ITPK1: variants seen among roughly 807,000 people sequenced by gnomAD.
The protein encoded by ITPK1 is inositol-tetrakisphosphate 1-kinase.
In ITPK1, 21 loss-of-function variants were observed where a neutral mutation model predicts 45.3. That is an observed-to-expected ratio of 0.46 (90% CI 0.33 to 0.67). The LOEUF (loss-of-function observed/expected upper bound fraction) is 0.67. Ranked by LOEUF, ITPK1 falls within the 30% of genes least tolerant of loss-of-function variation. The probability of loss-of-function intolerance (pLI) is 0.02; values close to 1 mark genes in which losing one functional copy is unlikely to be tolerated. For missense variants in ITPK1, 474 were observed against 573.5 expected (o/e 0.83, Z 1.77); for synonymous variants, 258 against 253.6 (o/e 1.02, Z -0.16).
intron 8 of ITPK1, among the ~76,000 whole-genome samples, chr14:92,955,949 G>A (rs1460815753): frequency 3.3e-5 from 5 of 152,192 alleles, no homozygotes; most frequent in Admixed American, 2.6e-4. Flanking sequence ...GAACATACAC[G>A]TAGAAACCAG....
chr14:93,112,290 G>A (rs961664167), intron 2 of ITPK1, among the ~76,000 whole-genome samples: 2 of 152,146 alleles, frequency 1.3e-5, no homozygotes, highest in Non-Finnish European at 2.9e-5. Context: ...TTCCCCATCT[G>A]TAAGACAAAG....
In ITPK1 at chr14:92,941,616, G is replaced by A. The variant is rs1450870165; in HGVS notation, c.1190C>T (p.Pro397Leu). The A allele has an allele frequency of 3.9e-6, 6 of 1,538,212 alleles. No individual in the cohort carries two copies. Among genetic ancestry groups the A allele is most frequent in the Non-Finnish European group, 5.2e-6 (6 of 1,144,716 alleles). ...QRLGCNAGVSPSFQQHCVASL... is the reference protein window; with the variant it reads ...QRLGCNAGVSLSFQQHCVASL... Reference sequence around the variant, plus strand: ...GGCCACACAATGCTGCTGGAAGCTGGGCGACACGCCGGCGTTGCAGCCGAG... The same window carrying A: ...GGCCACACAATGCTGCTGGAAGCTGAGCGACACGCCGGCGTTGCAGCCGAG... The change falls in exon 11 of 11, where the codon CCC becomes CTC. Residue 397 changes from proline (P) to leucine (L), a missense_variant. Around this residue, in one of 2 missense-constraint regions of ITPK1, gnomAD observed 107 missense variants for 92.9 expected, o/e 1.15. Coordinates refer to ENST00000267615, the MANE Select transcript of ITPK1 (RefSeq NM_014216.6).
intron 4 of ITPK1, among the ~76,000 whole-genome samples, chr14:93,004,350 C>T (rs537928719): frequency 6.6e-6 from 1 of 152,380 alleles, no homozygotes; most frequent in African/African-American, 2.4e-5. Flanking sequence ...CTCACTCCTT[C>T]TTTCCTAACT....
At position 93,063,393 on chromosome 14, in the gene ITPK1, C is replaced by T. The variant is rs927385432; in HGVS notation, c.120+13202G>A. ...GGGGTGTGAGCTTCACAAGACCCCT[C>T]GAGTCATCTCAGGAGCCAGAAAACC... On this transcript the variant is annotated intron_variant, in intron 3 of 10. Coordinates refer to ENST00000267615, the MANE Select transcript of ITPK1 (RefSeq NM_014216.6). The surrounding 1 kb of genome is among the most constrained non-coding windows in gnomAD (Gnocchi z 4.3). Among the ~76,000 whole-genome samples the T allele has an allele frequency of 2.0e-5, 3 of 152,156 alleles. No homozygotes were observed. Among genetic ancestry groups the T allele is most frequent in the African/African-American group, 7.2e-5 (3 of 41,436 alleles).
intron 3 of ITPK1, among the ~76,000 whole-genome samples, chr14:93,020,965 A>G (rs1221615361): frequency 6.6e-6 from 1 of 152,094 alleles, no homozygotes; most frequent in Non-Finnish European, 1.5e-5. Flanking sequence ...TGGTTAAATA[A>G]CATGTCACAG....
chr14:93,048,892 T>G (rs1194102791), intron 3 of ITPK1, among the ~76,000 whole-genome samples: 1 of 152,094 alleles, frequency 6.6e-6, no homozygotes, highest in African/African-American at 2.4e-5. Context: ...GAGGTTGCAG[T>G]GAGCCGAGGT....
chr14:93,010,426 G>A (rs531456314), intron 4 of ITPK1, among the ~76,000 whole-genome samples: 1 of 152,346 alleles, frequency 6.6e-6, no homozygotes, highest in South Asian at 2.1e-4. Flanking sequence ...TTTGGAGGCA[G>A]ACGCAACAGC....
At chr14:93,007,267 C>T (rs989045069) in intron 4 of ITPK1, among the ~76,000 whole-genome samples, 1 of 152,140 alleles carries the variant, frequency 6.6e-6, no homozygotes, top group Non-Finnish European at 1.5e-5. Context: ...TGCAGCTGCC[C>T]CTCCCCTGTA....
At chr14:93,010,409 G>A (rs1288053196) in intron 4 of ITPK1, among the ~76,000 whole-genome samples, 3 of 152,230 alleles carry the variant, frequency 2.0e-5, no homozygotes, top group African/African-American at 7.2e-5. Context: ...GCGGCCTTGG[G>A]TAGTCCTTTG....
At chr14:92,943,276 A>G (rs1887522909) in intron 10 of ITPK1, among the ~76,000 whole-genome samples, 1 of 152,198 alleles carries the variant, frequency 6.6e-6, no homozygotes, top group Non-Finnish European at 1.5e-5. Context: ...AGCACTCGGG[A>G]AGTAGCAGCC....
chr14:92,952,973 G>A lies in ITPK1; in HGVS notation c.671-960C>T, dbSNP rs4439694. Among the ~76,000 whole-genome samples the A allele has an allele frequency of 5.0e-3, 761 of 152,322 alleles. 8 individuals are homozygous for A. Among genetic ancestry groups the A allele is most frequent in the African/African-American group, 0.018 (732 of 41,586 alleles). On this transcript the variant is annotated intron_variant, in intron 8 of 10. Coordinates refer to ENST00000267615, the MANE Select transcript of ITPK1 (RefSeq NM_014216.6). ...GGCTGGCACGGGACCGTCCTGGGCC[G>A]CCAGCCCCAGCAGCCCCTCCTTGAG...
chr14:93,085,188 T>C (rs1258068457), intron 2 of ITPK1, among the ~76,000 whole-genome samples: 2 of 152,260 alleles, frequency 1.3e-5, no homozygotes, highest in African/African-American at 4.8e-5. Context: ...TGGCCCGATA[T>C]AAAGACAACA....
intron 5 of ITPK1, among the ~76,000 whole-genome samples, chr14:92,973,898 G>C (rs1224642561): frequency 1.3e-5 from 2 of 152,222 alleles, no homozygotes; most frequent in East Asian, 3.8e-4. Context: ...ACAGCACAAG[G>C]TCCTGTCCAC....
At chr14:93,059,996 A>G (rs1890449332) in intron 3 of ITPK1, among the ~76,000 whole-genome samples, 1 of 151,798 alleles carries the variant, frequency 6.6e-6, no homozygotes, top group Non-Finnish European at 1.5e-5. Flanking sequence ...AGAACGCAGC[A>G]TTCAAGATCC....
intron 5 of ITPK1, among the ~76,000 whole-genome samples, chr14:92,966,252 A>G (rs1246948869): frequency 6.6e-6 from 1 of 152,180 alleles, no homozygotes; most frequent in African/African-American, 2.4e-5. Flanking sequence ...TCAGCCTCCC[A>G]AAGTGCTGGG....
At chr14:93,048,498 T>A (rs2139925149) in intron 3 of ITPK1, among the ~76,000 whole-genome samples, 1 of 152,302 alleles carries the variant, frequency 6.6e-6, no homozygotes, top group African/African-American at 2.4e-5. Flanking sequence ...CTTTCAAGTT[T>A]CTATTCTGCC....
At chr14:92,973,285 G>T (rs948828699) in intron 5 of ITPK1, among the ~76,000 whole-genome samples, 1 of 152,262 alleles carries the variant, frequency 6.6e-6, no homozygotes, top group African/African-American at 2.4e-5. Flanking sequence ...ACATGTGCAC[G>T]TGTGAAGATA....
intron 5 of ITPK1, among the ~76,000 whole-genome samples, chr14:92,963,883 G>C (rs756307105): frequency 2.0e-5 from 3 of 152,196 alleles, no homozygotes; most frequent in Non-Finnish European, 4.4e-5. Context: ...TCAGGGCACA[G>C]GGGCCAGGAA....
intron 8 of ITPK1, among the ~76,000 whole-genome samples, chr14:92,953,210 G>A (rs1022470316): frequency 1.3e-5 from 2 of 152,254 alleles, no homozygotes; most frequent in Non-Finnish European, 2.9e-5. Flanking sequence ...GGAGTGATTC[G>A]GGCGGAAGCC....
Sources: gnomAD v4.1 joint callset for allele counts (sites outside exome capture counted in the v4.1 genomes callset) on GRCh38, gnomAD v4.1.1 for gene constraint, gnomAD v4.1.1 regional missense constraint, Gnocchi (gnomAD v3.1) non-coding constraint, MANE v1.5 for transcripts, NCBI Gene and HGNC (gene_info 2026-07-23, HGNC 2026-07-21) for gene names.